The following MID1 variants were observed in gnomAD, a reference collection of about 807,000 sequenced individuals.
The protein encoded by MID1 is midline 1.
A neutral mutation model predicts 40.4 loss-of-function variants in MID1; 7 were observed. The ratio of observed to expected loss-of-function variants is 0.17; its 90% CI spans 0.10 to 0.33. The LOEUF (loss-of-function observed/expected upper bound fraction) is 0.33. Ranked by LOEUF, MID1 falls within the 10% of genes least tolerant of loss-of-function variation. The probability of loss-of-function intolerance (pLI) is 1.00; values close to 1 mark genes in which losing one functional copy is unlikely to be tolerated. For missense variants in MID1, 367 were observed against 558.5 expected, an observed-to-expected ratio of 0.66 and a Z score of 3.46; for synonymous variants, 229 against 221.2, an observed-to-expected ratio of 1.04 and a Z score of -0.31.
intron 1 of MID1, among the ~76,000 whole-genome samples, chrX:10,716,512 T>A (rs1163005917): frequency 2.7e-5 from 3 of 111,332 alleles, no homozygotes; most frequent in African/African-American, 9.8e-5. Context: ...TAAAAAGAAA[T>A]GAACAAAGCC....
At chrX:10,605,740 T>C (rs1450932566) in intron 1 of MID1, among the ~76,000 whole-genome samples, 1 of 112,112 alleles carries the variant, frequency 8.9e-6, no homozygotes, top group Non-Finnish European at 1.9e-5. Context: ...TGCATTTCAG[T>C]GTATTCTTTC....
At chrX:10,512,378 T>C (rs1932201915) in intron 3 of MID1, among the ~76,000 whole-genome samples, 1 of 112,684 alleles carries the variant, frequency 8.9e-6, no homozygotes, top group South Asian at 3.7e-4. Flanking sequence ...CTCCAGTTAC[T>C]TATTACTTGG....
intron 1 of MID1, among the ~76,000 whole-genome samples, chrX:10,571,651 T>C (rs1440868576): frequency 1.8e-5 from 2 of 110,692 alleles, no homozygotes; most frequent in East Asian, 5.7e-4. Flanking sequence ...TGGTGGCTCA[T>C]GCCTGTAATC....
chrX:10,695,363 G>A (rs2043156407), intron 1 of MID1, among the ~76,000 whole-genome samples: 1 of 111,614 alleles, frequency 9.0e-6, no homozygotes. Context: ...CTGGGCTCAA[G>A]CGACCCACCT....
intron 1 of MID1, among the ~76,000 whole-genome samples, chrX:10,819,430 T>A (rs1602596908): frequency 8.9e-6 from 1 of 112,026 alleles, no homozygotes; most frequent in East Asian, 2.8e-4. Flanking sequence ...ACCGAAGACA[T>A]CACATTTCTC....
chrX:10,798,735 A>C (rs2043984432), intron 1 of MID1, among the ~76,000 whole-genome samples: 1 of 111,716 alleles, frequency 9.0e-6, no homozygotes, highest in African/African-American at 3.3e-5. Flanking sequence ...AAAGAAAAGA[A>C]GGGAAGGAAG....
chrX:10,746,349 G>T, intron 1 of MID1, among the ~76,000 whole-genome samples: 1 of 111,919 alleles, frequency 8.9e-6, no homozygotes, highest in East Asian at 2.8e-4. Context: ...CAATTTTTAG[G>T]CTTGTGCAAA....
At chrX:10,487,742 C>T (rs888517925) in intron 4 of MID1, among the ~76,000 whole-genome samples, 7 of 111,553 alleles carry the variant, frequency 6.3e-5, no homozygotes, top group African/African-American at 2.3e-4. Flanking sequence ...TATGAATCTA[C>T]TCATACAGAA....
chrX:10,694,281 C>T (rs1449227041), intron 1 of MID1, among the ~76,000 whole-genome samples: 6 of 111,999 alleles, frequency 5.4e-5, no homozygotes, highest in Non-Finnish European at 7.5e-5. Flanking sequence ...CCTAAAAAGC[C>T]GTTTGTTTCT....
At chrX:10,589,546 C>A (rs1001682012) in intron 1 of MID1, 16 of 111,995 alleles carry the variant, frequency 1.4e-4, no homozygotes, top group African/African-American at 5.2e-4. Context: ...GACCACGCTT[C>A]CACACAAATG....
chrX:10,612,454 C>T (rs1178411940), intron 1 of MID1, among the ~76,000 whole-genome samples: 2 of 112,153 alleles, frequency 1.8e-5, no homozygotes, highest in Non-Finnish European at 3.8e-5. Flanking sequence ...TGCACTATTT[C>T]CTCAAAGCAC....
At chrX:10,782,246 C>T (rs2043852319) in intron 1 of MID1, among the ~76,000 whole-genome samples, 1 of 111,715 alleles carries the variant, frequency 9.0e-6, no homozygotes, top group Admixed American at 9.5e-5. Context: ...CAATTAGCTG[C>T]CCAATCCTGT....
At chrX:10,644,753 CAT>C (rs1183340991) in intron 1 of MID1, among the ~76,000 whole-genome samples, 1 of 111,038 alleles carries the variant, frequency 9.0e-6, no homozygotes, top group Non-Finnish European at 1.9e-5. Context: ...TGATGACAGT[CAT>C]GTGGCAAAAT....
intron 1 of MID1, among the ~76,000 whole-genome samples, chrX:10,638,583 G>A (rs936299216): frequency 8.9e-6 from 1 of 112,262 alleles, no homozygotes; most frequent in East Asian, 2.8e-4. Flanking sequence ...CTGGGGTCAG[G>A]GCATAGCTGA....
At chrX:10,721,803 TTGTGCC>T (rs2043357441) in intron 1 of MID1, among the ~76,000 whole-genome samples, 2 of 111,283 alleles carry the variant, frequency 1.8e-5, no homozygotes, top group South Asian at 7.6e-4. Context: ...GCATGGTGGC[TTGTGCC>T]TATAATCCCA....
intron 1 of MID1, among the ~76,000 whole-genome samples, chrX:10,718,029 T>C (rs765216209): frequency 2.3e-3 from 253 of 112,002 alleles, no homozygotes; most frequent in Middle Eastern, 4.6e-3. Flanking sequence ...CCAGAATCTC[T>C]GGGACACATT....
intron 1 of MID1, among the ~76,000 whole-genome samples, chrX:10,650,865 C>T: frequency 9.0e-6 from 1 of 110,785 alleles, no homozygotes; most frequent in African/African-American, 3.3e-5. Context: ...GCCCCTACAA[C>T]CTTGAGAGTT....
At chrX:10,604,166 T>TA (rs921871633) in intron 1 of MID1, among the ~76,000 whole-genome samples, 6 of 108,574 alleles carry the variant, frequency 5.5e-5, no homozygotes, top group East Asian at 2.8e-4. Flanking sequence ...TTATATTCCT[T>TA]AAAAAAAAAA....
At chrX:10,465,960 G>A (rs1005375380) in intron 7 of MID1, among the ~76,000 whole-genome samples, 7 of 112,202 alleles carry the variant, frequency 6.2e-5, no homozygotes, top group African/African-American at 1.3e-4. Flanking sequence ...TGAATCAGAC[G>A]AAAATGATTT....
Sources: allele counts gnomAD v4.1 joint callset (sites outside exome capture counted in the v4.1 genomes callset), GRCh38; gene constraint gnomAD v4.1.1; transcripts MANE v1.5; gene names NCBI Gene and HGNC (gene_info 2026-07-23, HGNC 2026-07-21).